HIP1R: variants seen among roughly 807,000 people sequenced by gnomAD.
The protein encoded by HIP1R is huntingtin interacting protein 1 related.
A neutral mutation model predicts 144.2 loss-of-function variants in HIP1R; 135 were observed. The observed-to-expected ratio is 0.94, with a 90% CI of 0.81 to 1.08. HIP1R has a LOEUF of 1.08. Among genes scored for constraint, HIP1R ranks in the 50% least tolerant of loss-of-function variants. The probability of loss-of-function intolerance (pLI) is 0.00; values close to 1 mark genes in which losing one functional copy is unlikely to be tolerated. For synonymous variants in HIP1R, 698 were observed against 612.8 expected (o/e 1.14, Z -2.05); for missense variants, 1,462 against 1,432.8 (o/e 1.02, Z -0.33).
At chr12:122,835,235 G>T (rs1451312333), upstream of HIP1R, among the ~76,000 whole-genome samples, 3 of 106,264 alleles carry the variant, frequency 2.8e-5, no homozygotes, top group East Asian at 9.2e-4. Context: ...GGGTCGCCGC[G>T]GGATGGGGGG....
chr12:122,858,689 T>C lies in HIP1R; in HGVS notation c.2051-149T>C, dbSNP rs2033671694. 4 of 692,204 alleles carry C rather than the reference T, an allele frequency of 5.8e-6. No homozygotes were observed. In the South Asian group the frequency reaches 6.7e-5, roughly 12 times the overall value. 42.9% of individuals were successfully genotyped at this position (692,204 alleles called of 1,614,324 possible). On this transcript the variant is annotated intron_variant, in intron 20 of 31. Transcript: ENST00000253083. ...GGGCCCGGGGCCACACACACTGTGG[T>C]GTGGTTCCCACTGCCTCCTGGACGT...
chr12:122,852,129 T>G (rs2033419665), intron 7 of HIP1R, among the ~76,000 whole-genome samples: 1 of 152,184 alleles, frequency 6.6e-6, no homozygotes, highest in African/African-American at 2.4e-5. Flanking sequence ...GTGCTCTCCA[T>G]AAGAGGGCAA....
At chr12:122,848,359 C>A in intron 2 of HIP1R, 107 bp from the exon 3 acceptor site, 5 of 1,386,592 alleles carry the variant, frequency 3.6e-6, no homozygotes, top group Non-Finnish European at 4.9e-6. Flanking sequence ...TTGATGGGCA[C>A]GTGATTGGGG....
At position 122,850,905 on chromosome 12, in the gene HIP1R, A is replaced by G. The variant is rs1052635098; in HGVS notation, c.509A>G (p.Asn170Ser). Reference protein sequence around the residue: ...VLEKAAGTDVNNIFQLTVEMF... With the variant: ...VLEKAAGTDVSNIFQLTVEMF... ...GAGAAGGCAGCTGGGACCGATGTCA[A>G]CAACATGTGAGTCACTCTGCATGGC... is the stretch of plus-strand genomic sequence containing the variant. Residue 170 changes from asparagine (N) to serine (S), a missense_variant, in exon 6 of 32, where the codon AAC (asparagine) becomes AGC (serine). Coordinates refer to ENST00000253083, the MANE Select transcript of HIP1R (RefSeq NM_003959.3). The G allele has an allele frequency of 6.2e-6, 10 of 1,610,242 alleles. No homozygotes were observed. Among genetic ancestry groups the G allele is most frequent in the East Asian group, 4.5e-5 (2 of 44,582 alleles).
chr12:122,838,272 C>T (rs2032962691), intron 1 of HIP1R, among the ~76,000 whole-genome samples: 1 of 151,622 alleles, frequency 6.6e-6, no homozygotes, highest in African/African-American at 2.4e-5. Flanking sequence ...GGGGAATGTC[C>T]AGAAAACCAG....
chr12:122,851,202 CT>C, intron 6 of HIP1R, 33 bp from the exon 7 acceptor site: 5 of 1,481,492 alleles, frequency 3.4e-6, no homozygotes, highest in East Asian at 2.6e-5. Flanking sequence ...TCCACCCACC[CT>C]TTTTCATTTC....
Position 122,856,545 on chromosome 12 carries a change from G to A in HIP1R, c.1515G>A (p.Leu505=). The A allele has an allele frequency of 1.2e-6, 2 of 1,600,992 alleles. No homozygotes were observed. Among genetic ancestry groups the A allele is most frequent in the Non-Finnish European group, 1.7e-6 (2 of 1,173,676 alleles). The change falls in exon 16 of 32, where the codon TTG becomes TTA. Residue 505 remains leucine, a synonymous_variant. Coordinates refer to ENST00000253083, the MANE Select transcript of HIP1R (RefSeq NM_003959.3). ...QVEQVKRESE[L]KLEEKSDQLE... is the part of the protein sequence containing the mutation. ...AGCAGGTGAAGCGGGAGTCGGAGTT[G>A]AAGGTATGTCCCTTGTGGCACAGGG...
intron 27 of HIP1R, 44 bp downstream of exon 27, chr12:122,860,567 C>G: frequency 6.3e-7 from 1 of 1,583,050 alleles, no homozygotes; most frequent in Non-Finnish European, 8.7e-7. Flanking sequence ...TGCTTCCTGC[C>G]AGTTGGAGCA....
chr12:122,858,526 A>G (rs1230736965), intron 20 of HIP1R, 91 bp downstream of exon 20: 3 of 1,058,850 alleles, frequency 2.8e-6, no homozygotes, highest in African/African-American at 3.2e-5. Context: ...GTTTACAGAC[A>G]GCAGGGACCT....
chr12:122,855,223 C>T (rs761059259), intron 10 of HIP1R, 42 bp from the exon 11 acceptor site: 1 of 1,611,518 alleles, frequency 6.2e-7, no homozygotes, highest in Non-Finnish European at 8.5e-7. Flanking sequence ...GGAGGGCTTG[C>T]TTAGGGGACA....
intron 8 of HIP1R, among the ~76,000 whole-genome samples, chr12:122,854,568 G>A (rs746821645): frequency 1.3e-5 from 2 of 152,176 alleles, no homozygotes; most frequent in African/African-American, 2.4e-5. Flanking sequence ...CTCGTCCCTC[G>A]ACCGCACTTT....
In HIP1R at chr12:122,840,760, T is replaced by TTCCC. The variant is rs1264850526; in HGVS notation, c.93+5119_93+5122dup. 6.6e-6 allele frequency among the ~76,000 whole-genome samples: 1 copy of TTCCC among 152,188 alleles called. No individual in the cohort carries two copies. Among genetic ancestry groups the TTCCC allele is most frequent in the Non-Finnish European group, 1.5e-5 (1 of 68,016 alleles). On this transcript the variant is annotated intron_variant, in intron 1 of 31. Coordinates refer to ENST00000253083, the MANE Select transcript of HIP1R (RefSeq NM_003959.3). The surrounding 1 kb of genome is among the most constrained non-coding windows in gnomAD (Gnocchi z 4.2). ...GGACTCAGGCAGGTGGGGACAGCCC[T>TTCCC]TCCCTGGAAGAGTGAGCCCAGAGGT... is the stretch of plus-strand genomic sequence containing the variant.
chr12:122,851,376 C>T (rs1014324857), intron 7 of HIP1R, 79 bp downstream of exon 7: 6 of 1,218,432 alleles, frequency 4.9e-6, no homozygotes, highest in Non-Finnish European at 6.7e-6. Flanking sequence ...AAAAAGAAGA[C>T]ATGAGTGATC....
At chr12:122,847,263 G>A (rs1415957443) in intron 1 of HIP1R, among the ~76,000 whole-genome samples, 2 of 151,776 alleles carry the variant, frequency 1.3e-5, no homozygotes, top group African/African-American at 4.8e-5. Flanking sequence ...GCACAGTCAC[G>A]TCCAGGAAGC....
Position 122,858,931 on chromosome 12 carries a change from C to A in HIP1R, c.2144C>A (p.Thr715Asn). 1 of 1,613,130 alleles carries A rather than the reference C, an allele frequency of 6.2e-7. No individual in the cohort carries two copies. Among genetic ancestry groups the A allele is most frequent in the East Asian group, 2.2e-5 (1 of 44,880 alleles). The part of the protein sequence containing the change: ...NGGATSHLAP[T>N]DPADRLIDTC... The stretch of plus-strand genomic sequence containing the variant: ...GGTGCCACCTCGCACCTGGCTCCCA[C>A]CGACCCTGCCGACCGTAAGTGGGTC... Residue 715 changes from threonine to asparagine, a missense_variant, in exon 21 of 32, where the codon ACC becomes AAC. Thr to Asn is a moderately conservative substitution (Grantham distance 65). This residue lies in a region of HIP1R where 1,112 missense variants were observed against 1,011.7 expected (regional missense o/e 1.10). Transcript: ENST00000253083.
rs2033785746 is a variant in HIP1R at position 122,861,997 on chromosome 12, GGT to G, written c.*245_*246del. 1 of 512,248 alleles carries G rather than the reference GGT, an allele frequency of 2.0e-6. No homozygotes were observed. The highest frequency in any genetic ancestry group is 3.6e-5 in the Admixed American group (1 of 27,682). The allele number at this position is 512,248 out of a possible 1,614,324, so 31.7% of individuals were successfully genotyped here. On this transcript the variant is annotated 3_prime_UTR_variant, in exon 32 of 32. Coordinates refer to ENST00000253083, the MANE Select transcript of HIP1R (RefSeq NM_003959.3). ...GAACTTTGGGGTGCAGCCAGGACCCGGTAGGCCTGAGCCTCAACTCTTCAGAA... is the reference window on the plus strand; with the variant it reads ...GAACTTTGGGGTGCAGCCAGGACCCGAGGCCTGAGCCTCAACTCTTCAGAA...
intron 25 of HIP1R, 22 bp from the exon 26 acceptor site, chr12:122,860,126 A>G (rs1349207110): frequency 6.3e-7 from 1 of 1,588,836 alleles, no homozygotes; most frequent in Non-Finnish European, 8.6e-7. Flanking sequence ...GCCACCAGTC[A>G]TTGCTGTCTT....
In HIP1R at chr12:122,861,826, G is replaced by C; in HGVS notation, c.*73G>C. 5 of 1,433,626 alleles carry C rather than the reference G, an allele frequency of 3.5e-6. No homozygotes were observed. Among genetic ancestry groups the C allele is most frequent in the Non-Finnish European group, 4.9e-6 (5 of 1,026,454 alleles). The allele number at this position is 1,433,626 out of a possible 1,614,324, so 88.8% of individuals were successfully genotyped here. ...GCAACTGCCCTGACAGGACCGAGAG[G>C]CCTTGCCCCTCCACCTGGTGCCCAA... On this transcript the variant is annotated 3_prime_UTR_variant, in exon 32 of 32. Coordinates refer to ENST00000253083, the MANE Select transcript of HIP1R (RefSeq NM_003959.3).
chr12:122,835,018 G>C, upstream of HIP1R: 4 of 1,287,938 alleles, frequency 3.1e-6, no homozygotes, highest in Non-Finnish European at 4.0e-6. Context: ...TGAGTTCGGA[G>C]GAGGGGTGGG....
Sources: gnomAD v4.1 joint callset for allele counts (sites outside exome capture counted in the v4.1 genomes callset) on GRCh38, gnomAD v4.1.1 for gene constraint, gnomAD v4.1.1 regional missense constraint, Gnocchi (gnomAD v3.1) non-coding constraint, MANE v1.5 for transcripts, NCBI Gene and HGNC (gene_info 2026-07-23, HGNC 2026-07-21) for gene names.